SGCD: variants seen among roughly 807,000 people sequenced by gnomAD.
SGCD encodes the protein sarcoglycan delta, also known as delta-sarcoglycan.
In SGCD, 18 loss-of-function variants were observed where a neutral mutation model predicts 36.6. The observed-to-expected ratio is 0.49, with a 90% CI of 0.34 to 0.73. The LOEUF (loss-of-function observed/expected upper bound fraction) is 0.73, where lower values mean the gene tolerates loss of function less well. SGCD is among the 30% of genes least tolerant of loss of function. The pLI is 0.01. For missense variants in SGCD, 387 were observed against 346.7 expected (o/e 1.12, Z -0.92); for synonymous variants, 133 against 130.6 (o/e 1.02, Z -0.12).
chr5:156,463,154 G>A (rs1161067904), intron 3 of SGCD, among the ~76,000 whole-genome samples: 1 of 152,116 alleles, frequency 6.6e-6, no homozygotes, highest in African/African-American at 2.4e-5. Context: ...TTGTTTGTTT[G>A]TTTGTTTGAG....
chr5:156,185,848 TATA>T (rs1270750317), intron 3 of SGCD, among the ~76,000 whole-genome samples: 4 of 31,136 alleles, frequency 1.3e-4, no homozygotes, highest in Admixed American at 5.2e-4. Context: ...TATATATATA[TATA>T]GAGAGAGAGA....
chr5:155,938,514 A>G (rs1042103729), intron 1 of SGCD, among the ~76,000 whole-genome samples: 3 of 152,116 alleles, frequency 2.0e-5, no homozygotes, highest in Non-Finnish European at 4.4e-5. Context: ...CTTCTTTTCC[A>G]TTGGCCTGGG....
intron 3 of SGCD, among the ~76,000 whole-genome samples, chr5:156,385,198 C>G (rs911054450): frequency 6.6e-6 from 1 of 152,204 alleles, no homozygotes; most frequent in African/African-American, 2.4e-5. Context: ...AGTCCTATGC[C>G]TTTCACAAAC....
intron 6 of SGCD, among the ~76,000 whole-genome samples, chr5:156,635,763 T>C (rs968572500): frequency 6.6e-6 from 1 of 151,998 alleles, no homozygotes; most frequent in Non-Finnish European, 1.5e-5. Context: ...GAAACCATCA[T>C]TCTCAGCAAA....
At chr5:156,015,990 T>C (rs1242941090) in intron 1 of SGCD, among the ~76,000 whole-genome samples, 2 of 151,940 alleles carry the variant, frequency 1.3e-5, no homozygotes, top group African/African-American at 4.8e-5. Context: ...CATAAATCAC[T>C]GATGTCTTAA....
the SGCD span, among the ~76,000 whole-genome samples, chr5:155,828,278 C>G: frequency 6.6e-6 from 1 of 152,074 alleles, no homozygotes; most frequent in South Asian, 2.1e-4. Context: ...GGTAATTATC[C>G]TTGTTTAGAT....
the SGCD span, among the ~76,000 whole-genome samples, chr5:155,789,192 G>A: frequency 1.3e-5 from 2 of 152,062 alleles, no homozygotes; most frequent in Non-Finnish European, 2.9e-5. Context: ...CGGTCGTGTT[G>A]CTTAATGTTC....
intron 1 of SGCD, among the ~76,000 whole-genome samples, chr5:156,011,674 G>A (rs1007981038): frequency 3.3e-4 from 50 of 152,108 alleles, no homozygotes; most frequent in Non-Finnish European, 2.9e-5. Flanking sequence ...TCCTGACCTC[G>A]TGATCCACCT....
chr5:156,013,772 T>C (rs1443405400), intron 1 of SGCD, among the ~76,000 whole-genome samples: 1 of 152,188 alleles, frequency 6.6e-6, no homozygotes, highest in Non-Finnish European at 1.5e-5. Flanking sequence ...TCCTTAATTT[T>C]ATTTATGGTA....
At chr5:156,285,935 G>T (rs1053347884) in intron 3 of SGCD, among the ~76,000 whole-genome samples, 2 of 152,092 alleles carry the variant, frequency 1.3e-5, no homozygotes, top group African/African-American at 4.8e-5. Flanking sequence ...CTGACAAAGG[G>T]CTAATATCCA....
chr5:156,149,687 G>A (rs1158954061), intron 3 of SGCD, among the ~76,000 whole-genome samples: 1 of 152,054 alleles, frequency 6.6e-6, no homozygotes, highest in Non-Finnish European at 1.5e-5. Context: ...GCCAGGGGAG[G>A]TGGGGACCTT....
intron 7 of SGCD, among the ~76,000 whole-genome samples, chr5:156,705,917 T>C (rs1389767719): frequency 2.0e-5 from 3 of 152,148 alleles, no homozygotes; most frequent in Non-Finnish European, 2.9e-5. Context: ...TAGTTTCGTG[T>C]TTTCATTCAT....
chr5:156,380,272 A>G (rs1161251981), intron 3 of SGCD, among the ~76,000 whole-genome samples: 1 of 152,182 alleles, frequency 6.6e-6, no homozygotes, highest in African/African-American at 2.4e-5. Flanking sequence ...ACACCTTACC[A>G]AAGCCAAAGG....
At chr5:156,178,285 T>A (rs1763519712) in intron 3 of SGCD, among the ~76,000 whole-genome samples, 1 of 152,150 alleles carries the variant, frequency 6.6e-6, no homozygotes, top group Non-Finnish European at 1.5e-5. Context: ...GAATCGTAAC[T>A]AAAGAGAATG....
At chr5:156,645,256 A>G (rs558672697) in intron 6 of SGCD, among the ~76,000 whole-genome samples, 313 of 152,260 alleles carry the variant, frequency 2.1e-3, no homozygotes, top group African/African-American at 7.4e-3. Context: ...GTTTTAATAG[A>G]AACCTTTTTG....
At chr5:156,041,922 A>C (rs1759645428) in intron 1 of SGCD, among the ~76,000 whole-genome samples, 1 of 152,168 alleles carries the variant, frequency 6.6e-6, no homozygotes. Flanking sequence ...TATACTGAGA[A>C]TAGCAGCCAA....
chr5:156,213,750 A>C (rs1471903842), intron 3 of SGCD, among the ~76,000 whole-genome samples: 1 of 152,092 alleles, frequency 6.6e-6, no homozygotes, highest in African/African-American at 2.4e-5. Flanking sequence ...ATTCAACAGC[A>C]CATTAAAAGT....
intron 1 of SGCD, among the ~76,000 whole-genome samples, chr5:155,894,365 G>A (rs115132067): frequency 1.2e-4 from 19 of 152,166 alleles, no homozygotes; most frequent in Non-Finnish European, 2.4e-4. Context: ...ATCCTTGACC[G>A]AAACATCATT....
the SGCD span, among the ~76,000 whole-genome samples, chr5:155,747,276 T>C: frequency 6.6e-6 from 1 of 152,110 alleles, no homozygotes; most frequent in Non-Finnish European, 1.5e-5. Flanking sequence ...TAGAACACAG[T>C]AAGTGGGGTT....
Sources: gnomAD v4.1 joint callset for allele counts (sites outside exome capture counted in the v4.1 genomes callset) on GRCh38, gnomAD v4.1.1 for gene constraint, MANE v1.5 for transcripts, NCBI Gene and HGNC (gene_info 2026-07-23, HGNC 2026-07-21) for gene names.